The following ABI3BP variants were observed in gnomAD, a reference collection of about 807,000 sequenced individuals.
ABI3BP encodes target of Nesh-SH3.
ABI3BP carries 216 observed loss-of-function variants against 268.6 expected under a neutral mutation model. The ratio of observed to expected loss-of-function variants is 0.80; its 90% CI spans 0.72 to 0.90. The LOEUF is 0.90. ABI3BP is among the 40% of genes least tolerant of loss of function. The probability of loss-of-function intolerance (pLI) is 0.00; values close to 1 mark genes in which losing one functional copy is unlikely to be tolerated. For synonymous variants in ABI3BP, 730 were observed against 730.0 expected, an observed-to-expected ratio of 1.00 and a Z score of 0.00; for missense variants, 2,090 against 2,182.4, an observed-to-expected ratio of 0.96 and a Z score of 0.84.
At chr3:100,846,861 T>A (rs2098775189) in intron 19 of ABI3BP, among the ~76,000 whole-genome samples, 1 of 152,204 alleles carries the variant, frequency 6.6e-6, no homozygotes, top group South Asian at 2.1e-4. Flanking sequence ...CACTGACGTA[T>A]GTGCAGGATG....
At position 100,866,866 on chromosome 3, in the gene ABI3BP, G is replaced by A. The variant is rs202133842; in HGVS notation, c.988+13C>T. 44 of 1,610,078 alleles carry A rather than the reference G, an allele frequency of 2.7e-5. No individual in the cohort carries two copies. In the East Asian group the frequency reaches 9.4e-4, roughly 34 times the overall value. ...TTCTTTTCTCAAGGTCAACAACATA[G>A]CGATCTCATTACCTGTTGTGGGTCG... is the stretch of plus-strand genomic sequence containing the variant. On this transcript the variant is annotated intron_variant, in intron 10 of 67. Coordinates refer to ENST00000471714, the MANE Select transcript of ABI3BP (RefSeq NM_001375547.2).
intron 27 of ABI3BP, among the ~76,000 whole-genome samples, chr3:100,835,919 C>G (rs2098578032): frequency 6.6e-6 from 1 of 152,036 alleles, no homozygotes; most frequent in Non-Finnish European, 1.5e-5. Flanking sequence ...CATAAAAAAC[C>G]TGGATCCAAG....
At chr3:100,807,435 T>G (rs576914228) in intron 50 of ABI3BP, among the ~76,000 whole-genome samples, 1 of 152,064 alleles carries the variant, frequency 6.6e-6, no homozygotes, top group South Asian at 2.1e-4. Context: ...CATAGCTAAG[T>G]TTTAGTAATT....
In ABI3BP at chr3:100,832,256, A is replaced by C. The variant is rs925881709; in HGVS notation, c.2401+8T>G. The C allele has an allele frequency of 6.5e-7, 1 of 1,534,824 alleles. No individual in the cohort carries two copies. The highest frequency in any genetic ancestry group is 2.4e-5 in the East Asian group (1 of 40,892). ...TTGGATTCTACAAAACAGAAACTAC[A>C]TATTTACCCAGTTTAGTTTGAGGTA... On this transcript the variant is annotated splice_region_variant and intron_variant, in intron 31 of 67. Transcript: ENST00000471714.
rs2099132109 is a variant in ABI3BP, at chr3:100,873,636, T to C, written c.910+1205A>G. 2.0e-5 allele frequency among the ~76,000 whole-genome samples: 3 copies of C among 152,166 alleles called. No individual in the cohort carries two copies. In the South Asian group the frequency reaches 6.2e-4, roughly 32 times the overall value. The stretch of plus-strand genomic sequence containing the variant: ...TATGTTTCACGGTGTTTTCTTGAAA[T>C]AAAAAATATTTGGGTTATATCTTAT... On this transcript the variant is annotated intron_variant, in intron 9 of 67. Coordinates refer to ENST00000471714, the MANE Select transcript of ABI3BP (RefSeq NM_001375547.2).
At chr3:100,933,028 C>T (rs2064238100) in intron 1 of ABI3BP, among the ~76,000 whole-genome samples, 1 of 151,954 alleles carries the variant, frequency 6.6e-6, no homozygotes, top group African/African-American at 2.4e-5. Context: ...ATAAGGTTAT[C>T]TTACATTCTC....
chr3:100,754,033 C>G (rs2095484066), intron 64 of ABI3BP, among the ~76,000 whole-genome samples, 185 bp from the exon 65 acceptor site: 1 of 152,152 alleles, frequency 6.6e-6, no homozygotes, highest in African/African-American at 2.4e-5. Flanking sequence ...TGAATAATCT[C>G]CTGCCTGGTA....
At chr3:100,989,698 GT>G (rs1265828556) in intron 1 of ABI3BP, among the ~76,000 whole-genome samples, 1 of 152,158 alleles carries the variant, frequency 6.6e-6, no homozygotes, top group Non-Finnish European at 1.5e-5. Flanking sequence ...GTATACTGGA[GT>G]TTCCATGCAG....
intron 4 of ABI3BP, among the ~76,000 whole-genome samples, chr3:100,893,589 G>T (rs575331683): frequency 1.3e-5 from 2 of 152,202 alleles, no homozygotes; most frequent in South Asian, 4.2e-4. Context: ...CATTTCAGTG[G>T]AACAGTGGAA....
chr3:100,817,922 A>G (rs2098107304), intron 41 of ABI3BP, among the ~76,000 whole-genome samples: 1 of 152,214 alleles, frequency 6.6e-6, no homozygotes, highest in Admixed American at 6.5e-5. Context: ...AGCATAAAGA[A>G]CACCATGTAA....
At chr3:100,972,593 A>C (rs1195730477) in intron 1 of ABI3BP, among the ~76,000 whole-genome samples, 1 of 152,216 alleles carries the variant, frequency 6.6e-6, no homozygotes. Flanking sequence ...TAATTTGCTT[A>C]TGGTGTTTGA....
intron 63 of ABI3BP, among the ~76,000 whole-genome samples, chr3:100,762,750 C>T (rs2096044397): frequency 6.6e-6 from 1 of 152,170 alleles, no homozygotes; most frequent in Non-Finnish European, 1.5e-5. Flanking sequence ...ATGTGAAATT[C>T]ATTCAGAGGC....
intron 18 of ABI3BP, 116 bp downstream of exon 18, chr3:100,848,685 C>T: frequency 1.0e-6 from 1 of 1,003,672 alleles, no homozygotes; most frequent in South Asian, 1.4e-5. Flanking sequence ...CCTTGGCCTC[C>T]CAAAGTGCTG....
intron 6 of ABI3BP, among the ~76,000 whole-genome samples, chr3:100,883,985 G>C (rs2040673087): frequency 6.6e-6 from 1 of 151,374 alleles, no homozygotes; most frequent in African/African-American, 2.4e-5. Context: ...AAGAGCATTT[G>C]ATGATAAGAA....
At chr3:100,937,953 C>CA (rs1321038092) in intron 1 of ABI3BP, among the ~76,000 whole-genome samples, 1 of 151,952 alleles carries the variant, frequency 6.6e-6, no homozygotes, top group Admixed American at 6.6e-5. Context: ...CTAAGATATA[C>CA]AAACTATAAT....
At chr3:100,811,153 G>T in intron 48 of ABI3BP, 77 bp downstream of exon 48, 1 of 1,226,886 alleles carries the variant, frequency 8.2e-7, no homozygotes, top group Non-Finnish European at 1.1e-6. Context: ...TTCACAATGA[G>T]AGAGACCCAG....
At chr3:100,804,145 A>G (rs1347897509) in intron 51 of ABI3BP, among the ~76,000 whole-genome samples, 1 of 152,196 alleles carries the variant, frequency 6.6e-6, no homozygotes, top group African/African-American at 2.4e-5. Context: ...TCCTAAGGCC[A>G]CTTGAAGACT....
At chr3:100,908,098 A>G (rs1183171759) in intron 2 of ABI3BP, among the ~76,000 whole-genome samples, 2 of 151,660 alleles carry the variant, frequency 1.3e-5, no homozygotes, top group African/African-American at 4.8e-5. Flanking sequence ...CCTGGGTGAC[A>G]GAGCAAAGAC....
chr3:100,754,727 A>G (rs1448910358), intron 63 of ABI3BP, 36 bp from the exon 64 acceptor site: 8 of 1,523,402 alleles, frequency 5.3e-6, no homozygotes, highest in African/African-American at 2.8e-5. Flanking sequence ...CTTGTAATAC[A>G]TTCTTGAGGG....
Sources: gnomAD v4.1 joint callset for allele counts (sites outside exome capture counted in the v4.1 genomes callset) on GRCh38, gnomAD v4.1.1 for gene constraint, MANE v1.5 for transcripts, NCBI Gene and HGNC (gene_info 2026-07-23, HGNC 2026-07-21) for gene names.